The following ANO4 variants were observed in gnomAD, a reference collection of about 807,000 sequenced individuals.
The protein encoded by ANO4 is anoctamin 4.
In ANO4, 69 loss-of-function variants were observed where a neutral mutation model predicts 141.9. That is an observed-to-expected ratio of 0.49 (90% CI 0.40 to 0.59). The LOEUF (loss-of-function observed/expected upper bound fraction) is 0.59. Among genes scored for constraint, ANO4 ranks in the 20% least tolerant of loss-of-function variants. ANO4 has a pLI of 0.00. For synonymous variants in ANO4, 350 were observed against 394.3 expected (o/e 0.89, Z 1.33); for missense variants, 894 against 1,162.2 (o/e 0.77, Z 3.36).
At chr12:101,055,224 G>C (rs763288534) in intron 14 of ANO4, among the ~76,000 whole-genome samples, 2 of 152,196 alleles carry the variant, frequency 1.3e-5, no homozygotes, top group Non-Finnish European at 2.9e-5. Context: ...TGGATCATGT[G>C]ATAAGTGAAT....
chr12:100,724,781 A>G (rs1025154509), intron 1 of ANO4, among the ~76,000 whole-genome samples: 1 of 152,192 alleles, frequency 6.6e-6, no homozygotes, highest in Non-Finnish European at 1.5e-5. Flanking sequence ...AGGTGAGGAG[A>G]TAGAGATTAC....
rs148944366 is a variant in ANO4 at position 101,059,073 on chromosome 12, C to T, written c.1312+10672C>T. 6.1e-3 allele frequency among the ~76,000 whole-genome samples: 927 copies of T among 152,004 alleles called. 8 individuals are homozygous for T. Among genetic ancestry groups the T allele is most frequent in the African/African-American group, 0.021 (889 of 41,490 alleles). ...TTTACTGAGAGTTTTTAGCATGAAG[C>T]GGTGTTGAATTTTATCGAAGGCCTT... On this transcript the variant is annotated intron_variant, in intron 14 of 27. Transcript: ENST00000392977.
chr12:100,992,557 T>G (rs2045186250), intron 8 of ANO4, among the ~76,000 whole-genome samples: 2 of 152,216 alleles, frequency 1.3e-5, no homozygotes, highest in African/African-American at 4.8e-5. Context: ...CACTAATCCT[T>G]CCAAAGATTG....
At chr12:101,007,795 C>T (rs1357981162) in intron 8 of ANO4, among the ~76,000 whole-genome samples, 2 of 152,144 alleles carry the variant, frequency 1.3e-5, no homozygotes, top group Non-Finnish European at 2.9e-5. Context: ...TCATAGCTTA[C>T]TGCAGCCTTG....
At chr12:101,039,817 C>T (rs1356397920) in intron 10 of ANO4, 138 bp from the exon 11 acceptor site, 3 of 897,562 alleles carry the variant, frequency 3.3e-6, no homozygotes. Context: ...AAACTGCCTG[C>T]CCTTTAATAG....
chr12:100,846,722 C>A (rs2037580898), intron 1 of ANO4, among the ~76,000 whole-genome samples: 1 of 152,116 alleles, frequency 6.6e-6, no homozygotes, highest in Non-Finnish European at 1.5e-5. Context: ...GCATAGGTAT[C>A]CCCTGGCTAT....
At chr12:100,856,424 G>C (rs867481075) in intron 1 of ANO4, among the ~76,000 whole-genome samples, 3 of 152,150 alleles carry the variant, frequency 2.0e-5, no homozygotes, top group Non-Finnish European at 4.4e-5. Context: ...TTTAGCATCT[G>C]TTTGTAACTC....
chr12:100,921,056 T>C (rs2041607738), intron 2 of ANO4, among the ~76,000 whole-genome samples: 1 of 152,152 alleles, frequency 6.6e-6, no homozygotes, highest in Non-Finnish European at 1.5e-5. Flanking sequence ...AATCTGAGCT[T>C]GTAGCTTTGC....
At chr12:100,886,435 C>T (rs2135973764) in intron 1 of ANO4, among the ~76,000 whole-genome samples, 1 of 152,312 alleles carries the variant, frequency 6.6e-6, no homozygotes, top group South Asian at 2.1e-4. Flanking sequence ...ATGCTTGAAA[C>T]AGGACATCTT....
At chr12:101,097,624 T>C (rs1303205006) in intron 19 of ANO4, 27 bp from the exon 20 acceptor site, 1 of 1,611,572 alleles carries the variant, frequency 6.2e-7, no homozygotes, top group African/African-American at 1.3e-5. Context: ...AGAGCACTAA[T>C]GGCTTGTTTT....
intron 1 of ANO4, among the ~76,000 whole-genome samples, chr12:100,838,367 G>GT (rs1412690022): frequency 6.6e-6 from 1 of 152,044 alleles, no homozygotes; most frequent in Non-Finnish European, 1.5e-5. Context: ...GGTTTGTTTG[G>GT]TTTTTGATGA....
rs188403972 is a variant in ANO4 at position 100,787,654 on chromosome 12, G to A, written c.358+47549G>A. Among the ~76,000 whole-genome samples the A allele has an allele frequency of 3.3e-5, 5 of 152,294 alleles. No individual in the cohort carries two copies. In the East Asian group the frequency reaches 9.6e-4, roughly 29 times the overall value. ...TAATAGCTAGACTGGGGCAATGACA[G>A]CACAGTGAGGATAGAAAGAAGAAAG... On this transcript the variant is annotated intron_variant, in intron 3 of 29. Coordinates refer to the ANO4 transcript ENST00000644049.
chr12:100,811,666 A>G (rs1027066842), intron 1 of ANO4, among the ~76,000 whole-genome samples: 9 of 152,210 alleles, frequency 5.9e-5, no homozygotes, highest in Non-Finnish European at 1.2e-4. Flanking sequence ...TCTCTTGGCC[A>G]TACCTGACCA....
intron 1 of ANO4, among the ~76,000 whole-genome samples, chr12:100,893,540 G>C (rs1343899260): frequency 6.6e-6 from 1 of 152,078 alleles, no homozygotes. Flanking sequence ...GTCGGGACAT[G>C]TGCTTTTTAT....
chr12:100,959,634 C>T (rs2043323517), intron 5 of ANO4, among the ~76,000 whole-genome samples: 1 of 152,198 alleles, frequency 6.6e-6, no homozygotes, highest in Non-Finnish European at 1.5e-5. Context: ...ACTGGCCTCA[C>T]CAGCAGCTTT....
chr12:101,121,272 ATG>A (rs145179127), intron 26 of ANO4, among the ~76,000 whole-genome samples: 4,754 of 151,422 alleles, frequency 0.031, 256 homozygotes, highest in African/African-American at 0.11. Context: ...TCTCATCTTT[ATG>A]TCCATGTGTA....
chr12:100,981,961 G>T (rs1369552935), intron 7 of ANO4, among the ~76,000 whole-genome samples: 1 of 152,084 alleles, frequency 6.6e-6, no homozygotes, highest in African/African-American at 2.4e-5. Context: ...ACCAAACTTG[G>T]GAAGCCATCG....
chr12:100,897,509 G>A (rs1184272625), intron 1 of ANO4, among the ~76,000 whole-genome samples: 2 of 152,232 alleles, frequency 1.3e-5, no homozygotes, highest in African/African-American at 4.8e-5. Context: ...GACTGAAGGG[G>A]CATCATCGCC....
chr12:100,843,230 C>T (rs976347147), intron 1 of ANO4, among the ~76,000 whole-genome samples: 5 of 152,068 alleles, frequency 3.3e-5, no homozygotes, highest in African/African-American at 1.2e-4. Flanking sequence ...ATTTTTAGTC[C>T]TCAATAATTG....
Sources: gnomAD v4.1 joint callset for allele counts (sites outside exome capture counted in the v4.1 genomes callset) on GRCh38, gnomAD v4.1.1 for gene constraint, MANE v1.5 for transcripts, NCBI Gene and HGNC (gene_info 2026-07-23, HGNC 2026-07-21) for gene names.